The following PKHD1 variants were observed in gnomAD, a reference collection of about 807,000 sequenced individuals.
PKHD1 encodes fibrocystin.
In PKHD1, 291 loss-of-function variants were observed where a neutral mutation model predicts 412.0. The observed-to-expected ratio is 0.71, with a 90% CI of 0.64 to 0.78. The LOEUF is 0.78. PKHD1 is among the 30% of genes least tolerant of loss of function. The pLI, the probability that PKHD1 is intolerant of heterozygous loss-of-function variation, is 0.00. For synonymous variants in PKHD1, 1,777 were observed against 1,821.5 expected, an observed-to-expected ratio of 0.98 and a Z score of 0.62; for missense variants, 4,825 against 4,950.7, an observed-to-expected ratio of 0.97 and a Z score of 0.76.
intron 34 of PKHD1, among the ~76,000 whole-genome samples, chr6:52,011,868 ATTGT>A (rs1395665022): frequency 6.6e-6 from 1 of 152,204 alleles, no homozygotes; most frequent in East Asian, 1.9e-4. Context: ...CTGAACGCAG[ATTGT>A]TTGGGCTGAC....
At chr6:51,962,217 G>C (rs1792152088) in intron 35 of PKHD1, among the ~76,000 whole-genome samples, 1 of 152,118 alleles carries the variant, frequency 6.6e-6, no homozygotes, top group South Asian at 2.1e-4. Context: ...ACATTAACCT[G>C]GTGGTCAGAT....
At chr6:51,719,974 T>C in intron 60 of PKHD1, among the ~76,000 whole-genome samples, 1 of 152,174 alleles carries the variant, frequency 6.6e-6, no homozygotes, top group East Asian at 1.9e-4. Context: ...TTAACTTTAA[T>C]AGGTACCAAT....
At chr6:51,996,569 T>C (rs563672249) in intron 35 of PKHD1, among the ~76,000 whole-genome samples, 78 of 152,298 alleles carry the variant, frequency 5.1e-4, no homozygotes, top group African/African-American at 1.8e-3. Context: ...ACTGAAGATA[T>C]GTGTGTTTTA....
chr6:51,847,685 G>A lies in PKHD1; in HGVS notation c.8107+90C>T. 3.2e-6 allele frequency: 3 copies of A among 950,202 alleles called. No homozygotes were observed. In the South Asian group the frequency reaches 3.9e-5, roughly 12 times the overall value. The allele number at this position is 950,202 out of a possible 1,614,324, so 58.9% of individuals were successfully genotyped here. A position where few individuals can be genotyped will look rare whatever the true frequency, so the allele number is the denominator to read the frequency against. On this transcript the variant is annotated intron_variant, in intron 50 of 66. Coordinates refer to ENST00000371117, the MANE Select transcript of PKHD1 (RefSeq NM_138694.4). The stretch of plus-strand genomic sequence containing the variant: ...CACAGCTGTCCCTTTCAGTTCCTCA[G>A]CACTTCACAGCACAAATGTCTGGAA...
In PKHD1 at chr6:52,028,519, A is replaced by ATT. The variant is rs5876250; in HGVS notation, c.3365-170_3365-169dup. On this transcript the variant is annotated intron_variant, in intron 29 of 66. Coordinates refer to ENST00000371117, the MANE Select transcript of PKHD1 (RefSeq NM_138694.4). ...ATTTTTCAAGAAACTTCTAACAACTATTTTTTTTTTTTTTTGAGACAGGTC... is the reference window on the plus strand; with the variant it reads ...ATTTTTCAAGAAACTTCTAACAACTATTTTTTTTTTTTTTTTTGAGACAGGTC... 2.7e-3 allele frequency among the ~76,000 whole-genome samples: 392 copies of ATT among 143,856 alleles called. 7 individuals carry two copies. Among genetic ancestry groups the ATT allele is most frequent in the Middle Eastern group, 7.0e-3 (2 of 284 alleles). 94.4% of individuals were successfully genotyped at this position (143,856 alleles called of 152,430 possible).
intron 35 of PKHD1, among the ~76,000 whole-genome samples, chr6:51,992,562 T>C (rs982003808): frequency 2.0e-5 from 3 of 152,184 alleles, no homozygotes; most frequent in Admixed American, 2.0e-4. Flanking sequence ...CACAATTTCC[T>C]TGTGGAGAAG....
chr6:51,835,567 A>T lies in PKHD1; in HGVS notation c.8173+837T>A, dbSNP rs559496139. 1.5e-3 allele frequency among the ~76,000 whole-genome samples: 235 copies of T among 152,304 alleles called. 2 individuals are homozygous for T. Among genetic ancestry groups the T allele is most frequent in the African/African-American group, 5.4e-3 (224 of 41,566 alleles). On this transcript the variant is annotated intron_variant, in intron 51 of 66. Coordinates refer to ENST00000371117, the MANE Select transcript of PKHD1 (RefSeq NM_138694.4). ...GGCACTCAATAAACAAGGCATTTTG[A>T]ACCACCTAAAGGCAAAGAGAGATGA...
intron 29 of PKHD1, among the ~76,000 whole-genome samples, chr6:52,028,869 T>C (rs1346641884): frequency 2.0e-5 from 3 of 152,200 alleles, no homozygotes; most frequent in Admixed American, 6.5e-5. Context: ...AAAGAAAAAT[T>C]GGCAGGACAA....
At chr6:51,898,001 C>G (rs1470020671) in intron 43 of PKHD1, among the ~76,000 whole-genome samples, 2 of 151,098 alleles carry the variant, frequency 1.3e-5, no homozygotes, top group African/African-American at 2.4e-5. Flanking sequence ...CAGGAGCACC[C>G]AGATTCATAA....
chr6:51,742,431 G>A (rs1784666631), intron 60 of PKHD1, among the ~76,000 whole-genome samples: 1 of 152,160 alleles, frequency 6.6e-6, no homozygotes, highest in Non-Finnish European at 1.5e-5. Context: ...TGTAGAAACA[G>A]CTCCAAATGT....
chr6:52,067,136 T>C (rs888589648), intron 11 of PKHD1, among the ~76,000 whole-genome samples: 2 of 152,222 alleles, frequency 1.3e-5, no homozygotes, highest in African/African-American at 2.4e-5. Context: ...TATTTTATAA[T>C]GCTTTTTGCC....
At chr6:52,011,749 G>T (rs989146286) in intron 34 of PKHD1, among the ~76,000 whole-genome samples, 3 of 152,192 alleles carry the variant, frequency 2.0e-5, no homozygotes, top group Non-Finnish European at 2.9e-5. Flanking sequence ...GCTTCTTCAT[G>T]CTAAAATATT....
intron 32 of PKHD1, 32 bp from the exon 33 acceptor site, chr6:52,022,976 T>G (rs756864181): frequency 7.4e-6 from 12 of 1,613,274 alleles, no homozygotes; most frequent in Non-Finnish European, 9.3e-6. Context: ...TTCTTGATCA[T>G]ACAGGCAAAT....
chr6:51,835,612 A>G (rs1209129824), intron 51 of PKHD1, among the ~76,000 whole-genome samples: 1 of 152,214 alleles, frequency 6.6e-6, no homozygotes, highest in African/African-American at 2.4e-5. Context: ...AACATAAAAA[A>G]CAAAGTGTGG....
At chr6:51,961,782 G>A (rs1363081354) in intron 35 of PKHD1, among the ~76,000 whole-genome samples, 2 of 152,016 alleles carry the variant, frequency 1.3e-5, no homozygotes, top group Non-Finnish European at 1.5e-5. Flanking sequence ...CATGATAAAA[G>A]GACATTTGAA....
At chr6:52,000,380 T>G (rs536017536) in intron 35 of PKHD1, among the ~76,000 whole-genome samples, 1 of 152,320 alleles carries the variant, frequency 6.6e-6, no homozygotes, top group Non-Finnish European at 1.5e-5. Context: ...GCAGGATAGC[T>G]AAAGTTTCAT....
At chr6:51,692,473 A>G (rs1054072050) in intron 60 of PKHD1, among the ~76,000 whole-genome samples, 17 of 152,194 alleles carry the variant, frequency 1.1e-4, no homozygotes. Context: ...AACAAATCTG[A>G]GGACACTTTT....
intron 37 of PKHD1, among the ~76,000 whole-genome samples, chr6:51,923,929 T>C (rs998558192): frequency 1.3e-5 from 2 of 152,234 alleles, no homozygotes. Context: ...GAATGAGTTT[T>C]AGTTACATCC....
chr6:51,813,757 C>T (rs1765041088), intron 52 of PKHD1, among the ~76,000 whole-genome samples: 1 of 152,104 alleles, frequency 6.6e-6, no homozygotes, highest in Non-Finnish European at 1.5e-5. Flanking sequence ...AATAGTAGAG[C>T]TTATAAGAAT....
Sources: gnomAD v4.1 joint callset for allele counts (sites outside exome capture counted in the v4.1 genomes callset) on GRCh38, gnomAD v4.1.1 for gene constraint, MANE v1.5 for transcripts, NCBI Gene and HGNC (gene_info 2026-07-23, HGNC 2026-07-21) for gene names.